GAREM1: variants seen among roughly 807,000 people sequenced by gnomAD.
The protein encoded by GAREM1 is GRB2 associated regulator of MAPK1 subtype 1, also known as GRB2-associated and regulator of MAPK protein 1.
A neutral mutation model predicts 71.3 loss-of-function variants in GAREM1; 26 were observed. The ratio of observed to expected loss-of-function variants is 0.36; its 90% CI spans 0.27 to 0.51. The LOEUF (loss-of-function observed/expected upper bound fraction) is 0.51. Among genes scored for constraint, GAREM1 ranks in the 20% least tolerant of loss-of-function variants. GAREM1 has a pLI of 0.95. For missense variants in GAREM1, 1,026 were observed against 1,103.1 expected (o/e 0.93, Z 0.99); for synonymous variants, 440 against 433.2 (o/e 1.02, Z -0.20).
intron 3 of GAREM1, among the ~76,000 whole-genome samples, chr18:32,299,108 T>C (rs563522032): frequency 6.6e-6 from 1 of 152,210 alleles, no homozygotes; most frequent in Non-Finnish European, 1.5e-5. Context: ...AACATTGAAA[T>C]AATTAACCTC....
intron 2 of GAREM1, among the ~76,000 whole-genome samples, chr18:32,363,175 G>A (rs2047883744): frequency 6.7e-6 from 1 of 149,626 alleles, no homozygotes; most frequent in Non-Finnish European, 1.5e-5. Context: ...GTATACCAAT[G>A]TTTCTTATGA....
chr18:32,275,691 T>C (rs1391944665), intron 4 of GAREM1, among the ~76,000 whole-genome samples: 1 of 152,204 alleles, frequency 6.6e-6, no homozygotes, highest in Non-Finnish European at 1.5e-5. Context: ...TATCTCTTTT[T>C]TTTTGAGACT....
At chr18:32,307,203 G>A (rs996862704) in intron 3 of GAREM1, among the ~76,000 whole-genome samples, 12 of 151,898 alleles carry the variant, frequency 7.9e-5, no homozygotes, top group African/African-American at 2.7e-4. Context: ...GGATACATAT[G>A]TATATTTATT....
chr18:32,362,278 T>A (rs2144611509), intron 2 of GAREM1, among the ~76,000 whole-genome samples: 1 of 152,372 alleles, frequency 6.6e-6, no homozygotes, highest in African/African-American at 2.4e-5. Flanking sequence ...ACCCAAATGA[T>A]GTATCTCTCT....
chr18:32,348,884 G>A (rs1185313693), intron 2 of GAREM1, among the ~76,000 whole-genome samples: 2 of 152,112 alleles, frequency 1.3e-5, no homozygotes, highest in Admixed American at 1.3e-4. Flanking sequence ...GGTCATCAAT[G>A]TGCAACTACT....
intron 3 of GAREM1, among the ~76,000 whole-genome samples, chr18:32,301,636 A>T (rs1391879122): frequency 6.6e-6 from 1 of 152,226 alleles, no homozygotes; most frequent in African/African-American, 2.4e-5. Flanking sequence ...AGTCAGAACT[A>T]ATCGTGTTTC....
intron 3 of GAREM1, among the ~76,000 whole-genome samples, chr18:32,294,504 A>G (rs1337808269): frequency 6.6e-6 from 1 of 152,210 alleles, no homozygotes; most frequent in East Asian, 1.9e-4. Context: ...GTTTGTAATG[A>G]TAACTTTATT....
At chr18:32,298,903 T>C (rs2047169712) in intron 3 of GAREM1, among the ~76,000 whole-genome samples, 1 of 152,182 alleles carries the variant, frequency 6.6e-6, no homozygotes, top group Non-Finnish European at 1.5e-5. Context: ...GAAAATTGCA[T>C]CAAGAGTTAA....
At chr18:32,412,084 A>G (rs2048425376) in intron 1 of GAREM1, 3 of 721,868 alleles carry the variant, frequency 4.2e-6, no homozygotes, top group Non-Finnish European at 4.9e-6. Context: ...GTATTTGTCT[A>G]AAACATGTCT....
intron 1 of GAREM1, among the ~76,000 whole-genome samples, chr18:32,460,115 TAAAAAA>T (rs35244955): frequency 1.5e-5 from 2 of 133,434 alleles, no homozygotes; most frequent in East Asian, 2.2e-4. Flanking sequence ...TCATCTTATT[TAAAAAA>T]AAAAAAAAAA....
chr18:32,451,206 T>C (rs1211431155), intron 1 of GAREM1, among the ~76,000 whole-genome samples: 1 of 152,100 alleles, frequency 6.6e-6, no homozygotes, highest in East Asian at 1.9e-4. Context: ...CTTTTAGGCC[T>C]GGGATCCTCA....
At chr18:32,320,457 G>A (rs543111297) in intron 2 of GAREM1, among the ~76,000 whole-genome samples, 1 of 152,076 alleles carries the variant, frequency 6.6e-6, no homozygotes, top group African/African-American at 2.4e-5. Context: ...TTTTTTCATG[G>A]CGGAGGAAGT....
intron 4 of GAREM1, among the ~76,000 whole-genome samples, chr18:32,281,193 A>G (rs2046947735): frequency 6.6e-6 from 1 of 152,162 alleles, no homozygotes; most frequent in Admixed American, 6.5e-5. Flanking sequence ...GAGGATTGAA[A>G]TCGATGTGCA....
In GAREM1 at chr18:32,287,031, G is replaced by A. The variant is rs140074869; in HGVS notation, c.1566C>T (p.Ala522=). Residue 522 remains alanine, a splice_region_variant and synonymous_variant, in exon 4 of 6, where the codon GCC becomes GCT. Coordinates refer to ENST00000269209, the MANE Select transcript of GAREM1 (RefSeq NM_001242409.2). This position sits in a 1 kb window ranked among gnomAD's most constrained non-coding sequence, Gnocchi z 5.9. ...PPPPVPPKSE[A]VREECRLLNA... ...GCATTCAAAAACAGAAATGACTTACGGCTTCAGATTTGGGAGGCACTGGAG... is the reference window on the plus strand; with the variant it reads ...GCATTCAAAAACAGAAATGACTTACAGCTTCAGATTTGGGAGGCACTGGAG... 257 of 1,606,334 alleles carry A rather than the reference G, an allele frequency of 1.6e-4. 1 individual carries two copies. Among genetic ancestry groups the A allele is most frequent in the Admixed American group, 1.1e-3 (65 of 59,768 alleles).
intron 1 of GAREM1, among the ~76,000 whole-genome samples, chr18:32,451,954 A>C (rs544575524): frequency 3.1e-4 from 47 of 152,342 alleles, no homozygotes; most frequent in African/African-American, 1.1e-3. Flanking sequence ...TAAAATACTG[A>C]AATCGGTGAC....
In GAREM1 at chr18:32,309,096, G is replaced by A. The variant is rs530675634; in HGVS notation, c.393+1097C>T. ...AATGTTTGGAAAATGTGATTTAGGT[G>A]GACTTTGGGCTGAAATGACATTAAA... On this transcript the variant is annotated intron_variant, in intron 3 of 5. Coordinates refer to ENST00000269209, the MANE Select transcript of GAREM1 (RefSeq NM_001242409.2). 8.6e-4 allele frequency among the ~76,000 whole-genome samples: 130 copies of A among 150,362 alleles called. 7 individuals are homozygous for A. Among genetic ancestry groups the A allele is most frequent in the Non-Finnish European group, 1.2e-3 (78 of 67,548 alleles).
intron 2 of GAREM1, among the ~76,000 whole-genome samples, chr18:32,315,336 G>A (rs1307748158): frequency 6.6e-6 from 1 of 150,874 alleles, no homozygotes; most frequent in African/African-American, 2.4e-5. Flanking sequence ...TTAAAGAGAA[G>A]AGGTAAAATT....
chr18:32,427,799 C>T (rs2144251766), intron 1 of GAREM1, among the ~76,000 whole-genome samples: 1 of 152,132 alleles, frequency 6.6e-6, no homozygotes, highest in East Asian at 1.9e-4. Flanking sequence ...AAAATGTGAC[C>T]TTTCAAAAAA....
At chr18:32,312,502 G>C (rs2047334708) in intron 2 of GAREM1, among the ~76,000 whole-genome samples, 3 of 152,118 alleles carry the variant, frequency 2.0e-5, no homozygotes, top group Admixed American at 6.5e-5. Context: ...AGAAGAGCTG[G>C]GCTAAAAGCT....
Sources: allele counts gnomAD v4.1 joint callset (sites outside exome capture counted in the v4.1 genomes callset), GRCh38; gene constraint gnomAD v4.1.1; non-coding constraint Gnocchi (gnomAD v3.1); transcripts MANE v1.5; gene names NCBI Gene and HGNC (gene_info 2026-07-23, HGNC 2026-07-21).